Variants in TWIST2 observed in about 807,000 individuals in gnomAD.
The protein encoded by TWIST2 is twist family bHLH transcription factor 2.
A neutral mutation model predicts 11.6 loss-of-function variants in TWIST2; 1 was observed. The ratio of observed to expected loss-of-function variants is 0.09; its 90% CI spans 0.03 to 0.41. TWIST2 has a LOEUF of 0.41. Ranked by LOEUF, TWIST2 falls within the 10% of genes least tolerant of loss-of-function variation. The pLI, the probability that TWIST2 is intolerant of heterozygous loss-of-function variation, is 0.98. For missense variants in TWIST2, 168 were observed against 226.4 expected, an observed-to-expected ratio of 0.74 and a Z score of 1.66; for synonymous variants, 87 against 96.6, an observed-to-expected ratio of 0.90 and a Z score of 0.58.
At chr2:238,865,833 C>T (rs1369847891) in intron 1 of TWIST2, among the ~76,000 whole-genome samples, 3 of 152,180 alleles carry the variant, frequency 2.0e-5, no homozygotes, top group African/African-American at 7.2e-5. Flanking sequence ...AAGCAATCCC[C>T]ACAGTCTGTG....
At chr2:238,909,520 T>G (rs1350795108) in intron 1 of TWIST2, among the ~76,000 whole-genome samples, 1 of 152,102 alleles carries the variant, frequency 6.6e-6, no homozygotes, top group African/African-American at 2.4e-5. Context: ...CCAGACCGCA[T>G]TCATGGCTGC....
intron 1 of TWIST2, among the ~76,000 whole-genome samples, chr2:238,850,075 C>A (rs1692218555): frequency 6.6e-6 from 1 of 152,118 alleles, no homozygotes; most frequent in Non-Finnish European, 1.5e-5. Flanking sequence ...TTGCTGAGGC[C>A]ACGAAAAGCT....
At chr2:238,852,780 A>G (rs917792437) in intron 1 of TWIST2, among the ~76,000 whole-genome samples, 4 of 152,248 alleles carry the variant, frequency 2.6e-5, no homozygotes, top group African/African-American at 9.6e-5. Flanking sequence ...TAATTGCAAG[A>G]TGTCATCACT....
intron 1 of TWIST2, among the ~76,000 whole-genome samples, chr2:238,899,194 C>T (rs994657189): frequency 2.0e-5 from 3 of 152,262 alleles, no homozygotes; most frequent in Non-Finnish European, 4.4e-5. Flanking sequence ...CCCCGCATCC[C>T]TAAGGCTTCA....
intron 1 of TWIST2, among the ~76,000 whole-genome samples, chr2:238,893,063 G>A (rs895516383): frequency 3.9e-5 from 6 of 152,172 alleles, no homozygotes; most frequent in African/African-American, 1.2e-4. Context: ...CAACTCTGCA[G>A]GCCTAAAAGC....
chr2:238,883,243 A>G (rs1244782508), intron 1 of TWIST2, among the ~76,000 whole-genome samples: 1 of 152,136 alleles, frequency 6.6e-6, no homozygotes, highest in Admixed American at 6.6e-5. Context: ...TCCTCCCCCC[A>G]GGCAGTCACC....
intron 1 of TWIST2, among the ~76,000 whole-genome samples, chr2:238,860,391 C>T (rs1268707113): frequency 2.0e-5 from 3 of 152,156 alleles, no homozygotes; most frequent in Admixed American, 2.0e-4. Context: ...CTGTCAAAAC[C>T]GCCCACCCAA....
intron 1 of TWIST2, among the ~76,000 whole-genome samples, chr2:238,896,905 C>A (rs1693213982): frequency 6.6e-6 from 1 of 152,168 alleles, no homozygotes; most frequent in Non-Finnish European, 1.5e-5. Flanking sequence ...GGGGGTCCTG[C>A]CTGTAACAGT....
At chr2:238,899,488 A>G (rs878876414) in intron 1 of TWIST2, among the ~76,000 whole-genome samples, 53,101 of 152,082 alleles carry the variant, frequency 0.35, 9,500 homozygotes, top group Middle Eastern at 0.49. Flanking sequence ...TGAGAGCTGG[A>G]CAGGTTAATC....
At chr2:238,905,946 CGCGCGTGTGT>C (rs1693344442) in intron 1 of TWIST2, among the ~76,000 whole-genome samples, 3 of 109,426 alleles carry the variant, frequency 2.7e-5, no homozygotes, top group African/African-American at 3.9e-5. Flanking sequence ...TGTGTGTGCG[CGCGCGTGTGT>C]ACGTGTGCGT....
intron 1 of TWIST2, among the ~76,000 whole-genome samples, chr2:238,849,648 C>T (rs1236822174): frequency 6.6e-6 from 1 of 152,216 alleles, no homozygotes; most frequent in African/African-American, 2.4e-5. Flanking sequence ...GCGCGCCGGG[C>T]CCTGCGCGAG....
intron 1 of TWIST2, among the ~76,000 whole-genome samples, chr2:238,851,698 T>C (rs1381975559): frequency 6.6e-6 from 1 of 152,208 alleles, no homozygotes; most frequent in African/African-American, 2.4e-5. Flanking sequence ...TTAACTGCTG[T>C]ATTCAGGATG....
intron 1 of TWIST2, among the ~76,000 whole-genome samples, chr2:238,882,064 C>CTT (rs976734619): frequency 5.3e-5 from 8 of 152,100 alleles, no homozygotes; most frequent in Non-Finnish European, 1.2e-4. Flanking sequence ...GTCTCTCTCT[C>CTT]TCTGTCTGTG....
chr2:238,895,767 T>A (rs1215438552), intron 1 of TWIST2, among the ~76,000 whole-genome samples: 1 of 152,100 alleles, frequency 6.6e-6, no homozygotes, highest in Non-Finnish European at 1.5e-5. Flanking sequence ...GCCTGGGGGT[T>A]GCCAGGTGGA....
chr2:238,905,958 CGTGTGCGTGTGT>C (rs1574769865), intron 1 of TWIST2, among the ~76,000 whole-genome samples: 3 of 107,680 alleles, frequency 2.8e-5, no homozygotes, highest in East Asian at 2.4e-4. Context: ...CGCGTGTGTA[CGTGTGCGTGTGT>C]GTGCGCGCGC....
chr2:238,888,162 A>G (rs1256927340), intron 1 of TWIST2, among the ~76,000 whole-genome samples: 1 of 152,230 alleles, frequency 6.6e-6, no homozygotes, highest in Admixed American at 6.5e-5. Context: ...AGATTTCTTT[A>G]AAGTAACTCA....
intron 1 of TWIST2, among the ~76,000 whole-genome samples, chr2:238,871,886 G>T (rs902386727): frequency 6.6e-6 from 1 of 152,138 alleles, no homozygotes; most frequent in South Asian, 2.1e-4. Flanking sequence ...GCTGCCGGGG[G>T]CCGAGGGGAG....
chr2:238,889,917 G>A (rs979301877), intron 1 of TWIST2, among the ~76,000 whole-genome samples: 24 of 152,122 alleles, frequency 1.6e-4, no homozygotes, highest in Admixed American at 1.0e-3. Context: ...ACATGTCGGC[G>A]AGGGTGCCCG....
rs1354490843 is a variant in TWIST2, at chr2:238,866,884, G to A, written c.*35+18151G>A. On this transcript the variant is annotated intron_variant, in intron 1 of 1. Transcript: ENST00000612363. The surrounding 1 kb of genome is among the most constrained non-coding windows in gnomAD (Gnocchi z 4.9). The stretch of plus-strand genomic sequence containing the variant: ...CCTGTCACCCCGGGAGCACCTTCAG[G>A]ACTGTGTCCTTGTCATGTATCCGGA... Among the ~76,000 whole-genome samples, 3 of 152,148 alleles carry A rather than the reference G, an allele frequency of 2.0e-5. No individual in the cohort carries two copies. Among genetic ancestry groups the A allele is most frequent in the Admixed American group, 2.0e-4 (3 of 15,282 alleles).
Sources: gnomAD v4.1 joint callset for allele counts (sites outside exome capture counted in the v4.1 genomes callset) on GRCh38, gnomAD v4.1.1 for gene constraint, Gnocchi (gnomAD v3.1) non-coding constraint, MANE v1.5 for transcripts, NCBI Gene and HGNC (gene_info 2026-07-23, HGNC 2026-07-21) for gene names.